Variants in NRG4 observed in about 807,000 individuals in gnomAD.
The protein encoded by NRG4 is neuregulin 4.
In NRG4, 10 loss-of-function variants were observed where a neutral mutation model predicts 15.0. The observed-to-expected ratio is 0.67, with a 90% CI of 0.41 to 1.13. The LOEUF is 1.13. Ranked by LOEUF, NRG4 falls within the 50% of genes most tolerant of loss-of-function variation. The pLI is 0.00. For missense variants in NRG4, 139 were observed against 140.2 expected (o/e 0.99, Z 0.04); for synonymous variants, 41 against 50.1 (o/e 0.82, Z 0.77).
At chr15:76,050,276 T>C (rs2035964619) in intron 4 of NRG4, among the ~76,000 whole-genome samples, 1 of 150,692 alleles carries the variant, frequency 6.6e-6, no homozygotes, top group Admixed American at 6.6e-5. Flanking sequence ...CCAAAGTAAA[T>C]AACTACAACC....
chr15:75,952,256 A>G (rs1055706468), intron 5 of NRG4, among the ~76,000 whole-genome samples: 2 of 152,070 alleles, frequency 1.3e-5, no homozygotes, highest in African/African-American at 4.8e-5. Context: ...ATTTCCTCCA[A>G]TCCTAGGCAA....
rs917470740 is a variant in NRG4 at position 76,051,565 on chromosome 15, CT to C, written c.-105+501del. The stretch of plus-strand genomic sequence containing the variant: ...AGTTAACATATAATTGAACAATCTT[CT>C]TTTTTTTTTTTTTTTGAGACAGAGT... On this transcript the variant is annotated intron_variant, in intron 4 of 8. Coordinates refer to the NRG4 transcript ENST00000563910. 3.3e-3 allele frequency among the ~76,000 whole-genome samples: 442 copies of C among 133,420 alleles called. 9 individuals are homozygous for C. The highest frequency in any genetic ancestry group is 7.6e-3 in the African/African-American group (267 of 35,254). The allele number at this position is 133,420 out of a possible 152,430, so 87.5% of individuals were successfully genotyped here.
intron 3 of NRG4, among the ~76,000 whole-genome samples, chr15:75,989,837 C>G (rs1249894483): frequency 6.6e-6 from 1 of 152,058 alleles, no homozygotes; most frequent in Non-Finnish European, 1.5e-5. Context: ...GAACATGAAT[C>G]TTACATTTTT....
chr15:75,991,525 C>T (rs1056786649), intron 3 of NRG4, among the ~76,000 whole-genome samples: 52 of 152,062 alleles, frequency 3.4e-4, no homozygotes, highest in Non-Finnish European at 4.7e-4. Flanking sequence ...ATAACGTGTA[C>T]ATTTAATGGA....
intron 5 of NRG4, chr15:75,951,191 G>A (rs1208148431): frequency 1.1e-5 from 1 of 91,378 alleles, no homozygotes; most frequent in Non-Finnish European, 2.0e-5. Context: ...TTTTTGAGAC[G>A]GAGTCTCACT....
chr15:76,023,108 A>G (rs144287991), intron 5 of NRG4, among the ~76,000 whole-genome samples: 4 of 150,516 alleles, frequency 2.7e-5, no homozygotes, highest in South Asian at 2.1e-4. Context: ...ATAGCTCACT[A>G]GAGACACCTG....
At chr15:76,019,084 G>A (rs1221746844) in intron 5 of NRG4, among the ~76,000 whole-genome samples, 2 of 151,992 alleles carry the variant, frequency 1.3e-5, no homozygotes, top group Non-Finnish European at 2.9e-5. Flanking sequence ...GCTGAGCTGC[G>A]GTGGGCTCCA....
At chr15:76,030,905 G>A (rs1237834322) in intron 5 of NRG4, among the ~76,000 whole-genome samples, 1 of 152,056 alleles carries the variant, frequency 6.6e-6, no homozygotes, top group Non-Finnish European at 1.5e-5. Flanking sequence ...ACATAACCTT[G>A]ATGCCAAAAC....
At chr15:76,023,162 ACACACACACACACACACACAC>A (rs1423116003) in intron 5 of NRG4, among the ~76,000 whole-genome samples, 40 of 150,540 alleles carry the variant, frequency 2.7e-4, no homozygotes, top group South Asian at 1.1e-3. Flanking sequence ...ACACACACAC[ACACACACACACACACACACAC>A]AAGCAAGGAC....
intron 3 of NRG4, among the ~76,000 whole-genome samples, chr15:75,990,150 GCACTATGGAGTTTGACA>G (rs1190764768): frequency 6.6e-6 from 1 of 152,156 alleles, no homozygotes; most frequent in African/African-American, 2.4e-5. Flanking sequence ...TCTTTGCGCA[GCACTATGGAGTTTGACA>G]CTACACTTGT....
At chr15:76,024,659 A>G (rs565232494) in intron 5 of NRG4, among the ~76,000 whole-genome samples, 1 of 152,300 alleles carries the variant, frequency 6.6e-6, no homozygotes, top group East Asian at 1.9e-4. Context: ...TGGCTGACTC[A>G]CTGTGCATAC....
chr15:75,942,878 C>T lies in NRG4; in HGVS notation c.*760G>A, dbSNP rs1474882628. 1 of 152,110 alleles carries T rather than the reference C, an allele frequency of 6.6e-6. No individual in the cohort carries two copies. Among genetic ancestry groups the T allele is most frequent in the Non-Finnish European group, 1.5e-5 (1 of 68,032 alleles). The allele number at this position is 152,110 out of a possible 1,614,324, so 9.4% of individuals were successfully genotyped here. ...AGAAACTAAATTGTTCTGACCTAAT[C>T]AGTTCTTAATATTGCACCTAAAAAG... On this transcript the variant is annotated 3_prime_UTR_variant, in exon 6 of 6. Transcript: ENST00000394907.
chr15:75,957,927 T>A (rs1212677489), intron 4 of NRG4, among the ~76,000 whole-genome samples: 2 of 152,252 alleles, frequency 1.3e-5, no homozygotes, highest in African/African-American at 4.8e-5. Flanking sequence ...ACTGAATTTT[T>A]AAAAATTATA....
At chr15:76,060,226 G>C (rs1054617648), upstream of NRG4, among the ~76,000 whole-genome samples, 5 of 152,154 alleles carry the variant, frequency 3.3e-5, no homozygotes, top group African/African-American at 1.2e-4. Context: ...CCAGCCTGGA[G>C]ACCTGCTTCT....
intron 3 of NRG4, among the ~76,000 whole-genome samples, chr15:75,980,881 G>A (rs1394261788): frequency 6.6e-6 from 1 of 151,982 alleles, no homozygotes; most frequent in African/African-American, 2.4e-5. Flanking sequence ...ATTTTTTAGA[G>A]TGATAAAATA....
Position 76,011,162 on chromosome 15 carries a change from T to A in NRG4, c.10+59A>T, listed in dbSNP as rs578145832. On this transcript the variant is annotated intron_variant, in intron 2 of 5. Transcript: ENST00000394907. ...CCTTGTGTTAATATACATTTTTGAT[T>A]GTTGTTCTATTGCTATGGACACATA... is the stretch of plus-strand genomic sequence containing the variant. 7.8e-6 allele frequency: 10 copies of A among 1,275,254 alleles called. No homozygotes were observed. The African/African-American group carries it at 1.5e-4, about 20-fold the overall frequency. The allele number at this position is 1,275,254 out of a possible 1,614,324, so 79.0% of individuals were successfully genotyped here. A position where few individuals can be genotyped will look rare whatever the true frequency, so the allele number is the denominator to read the frequency against.
chr15:75,967,297 C>T (rs1467802096), intron 3 of NRG4, among the ~76,000 whole-genome samples: 4 of 151,838 alleles, frequency 2.6e-5, no homozygotes, highest in Middle Eastern at 3.4e-3. Context: ...CTATTAGATT[C>T]TTAATAATAT....
intron 3 of NRG4, among the ~76,000 whole-genome samples, chr15:75,979,535 T>C (rs1455181941): frequency 1.3e-5 from 2 of 152,180 alleles, no homozygotes; most frequent in South Asian, 2.1e-4. Context: ...AAATCTGTTA[T>C]AAAAGTTTAC....
chr15:75,972,511 T>A (rs1343278039), intron 3 of NRG4, among the ~76,000 whole-genome samples: 1 of 152,182 alleles, frequency 6.6e-6, no homozygotes, highest in Non-Finnish European at 1.5e-5. Context: ...AGGTCTTACG[T>A]TTAAGTCTTT....
Sources: allele counts gnomAD v4.1 joint callset (sites outside exome capture counted in the v4.1 genomes callset), GRCh38; gene constraint gnomAD v4.1.1; transcripts MANE v1.5; gene names NCBI Gene and HGNC (gene_info 2026-07-23, HGNC 2026-07-21).